Variants in PTBP2 observed in about 807,000 individuals in gnomAD.
PTBP2 encodes polypyrimidine tract-binding protein 2.
Under a neutral mutation model 61.4 loss-of-function variants are expected in PTBP2, and 13 were observed. The ratio of observed to expected loss-of-function variants is 0.21; its 90% CI spans 0.14 to 0.34. The LOEUF (loss-of-function observed/expected upper bound fraction) is 0.34. PTBP2 is among the 10% of genes least tolerant of loss of function. The pLI is 1.00. For missense variants in PTBP2, 405 were observed against 642.6 expected, an observed-to-expected ratio of 0.63 and a Z score of 4.00; for synonymous variants, 215 against 218.5, an observed-to-expected ratio of 0.98 and a Z score of 0.14.
downstream of PTBP2, chr1:96,819,006 TTATAA>T (rs1662584201): frequency 6.6e-6 from 1 of 152,160 alleles, no homozygotes; most frequent in Non-Finnish European, 1.5e-5. Context: ...AGTTGATAGC[TTATAA>T]TAGAAATCAG....
At chr1:96,730,013 C>A (rs1193546076) in intron 2 of PTBP2, among the ~76,000 whole-genome samples, 1 of 152,166 alleles carries the variant, frequency 6.6e-6, no homozygotes, top group Non-Finnish European at 1.5e-5. Context: ...AGGCGTGAGC[C>A]ACTGCGCCCA....
chr1:96,728,910 T>G, intron 2 of PTBP2, among the ~76,000 whole-genome samples: 1 of 152,258 alleles, frequency 6.6e-6, no homozygotes, highest in African/African-American at 2.4e-5. Context: ...GTAAATGATA[T>G]TTTAAAAACT....
chr1:96,791,736 C>T (rs1230000619), intron 8 of PTBP2, among the ~76,000 whole-genome samples: 3 of 151,508 alleles, frequency 2.0e-5, no homozygotes, highest in East Asian at 3.9e-4. Flanking sequence ...AGATAGATGC[C>T]TTTGCAATAG....
intron 2 of PTBP2, among the ~76,000 whole-genome samples, chr1:96,734,903 CTTT>C (rs369053938): frequency 0.27 from 33,425 of 124,644 alleles, 4,843 homozygotes; most frequent in South Asian, 0.44. Context: ...CTTTTTTTTT[CTTT>C]TTTTTTTTTT....
In PTBP2 at chr1:96,745,302, TC is replaced by T. The variant is rs375842938; in HGVS notation, c.40-6122del. Among the ~76,000 whole-genome samples, 185 of 152,026 alleles carry T rather than the reference TC, an allele frequency of 1.2e-3. No individual in the cohort carries two copies. The Middle Eastern group carries it at 0.014, about 11-fold the overall frequency. On this transcript the variant is annotated intron_variant, in intron 2 of 13. Coordinates refer to ENST00000674951, the MANE Select transcript of PTBP2 (RefSeq NM_021190.4). The stretch of plus-strand genomic sequence containing the variant: ...CTCAGCCTCCCGAGTAGCTGGGACT[TC>T]AGGCACCCGCCACCACACCCGGCTA...
At chr1:96,803,359 A>C (rs936145030) in intron 8 of PTBP2, among the ~76,000 whole-genome samples, 10 of 152,086 alleles carry the variant, frequency 6.6e-5, no homozygotes, top group Non-Finnish European at 1.5e-4. Context: ...ACTTTTGTAT[A>C]TGTTGGAAAT....
chr1:96,751,220 AGAAGG>A, intron 2 of PTBP2, 200 bp from the exon 3 acceptor site: 1 of 643,528 alleles, frequency 1.6e-6, no homozygotes, highest in Non-Finnish European at 2.8e-6. Context: ...CTTAGAGTAA[AGAAGG>A]GAAGGGAACA....
chr1:96,806,664 T>C (rs1178174810), intron 10 of PTBP2: 3 of 654,060 alleles, frequency 4.6e-6, no homozygotes, highest in Non-Finnish European at 7.7e-6. Flanking sequence ...TCACATAGCT[T>C]TGAGGGTTTA....
chr1:96,812,957 A>T (rs753514228), intron 12 of PTBP2, 29 bp downstream of exon 12: 1 of 1,594,230 alleles, frequency 6.3e-7, no homozygotes, highest in Non-Finnish European at 8.6e-7. Flanking sequence ...GTGTATTGAG[A>T]TACATTCTAT....
downstream of PTBP2, chr1:96,815,483 AC>A (rs2101293850): frequency 6.6e-6 from 1 of 152,258 alleles, no homozygotes; most frequent in East Asian, 1.9e-4. Flanking sequence ...TACTACTGTA[AC>A]TTGTTAAGCA....
At chr1:96,779,978 T>A (rs1233769117) in intron 7 of PTBP2, among the ~76,000 whole-genome samples, 1 of 152,074 alleles carries the variant, frequency 6.6e-6, no homozygotes, top group Non-Finnish European at 1.5e-5. Context: ...CAACAGTTTT[T>A]CTGTTTTTCA....
chr1:96,799,288 A>T (rs1416611845), intron 8 of PTBP2, among the ~76,000 whole-genome samples: 7 of 115,164 alleles, frequency 6.1e-5, no homozygotes, highest in Admixed American at 8.8e-5. Context: ...CTCAGAATAG[A>T]TCAAGCTTTT....
chr1:96,721,937 C>T (rs1437489463), intron 1 of PTBP2, 65 bp downstream of exon 1: 3 of 1,550,206 alleles, frequency 1.9e-6, no homozygotes, highest in African/African-American at 2.7e-5. Flanking sequence ...TCGGCCCGGT[C>T]CCGGGCCGGG....
intron 3 of PTBP2, among the ~76,000 whole-genome samples, chr1:96,752,164 T>A (rs1242969944): frequency 2.0e-5 from 3 of 152,106 alleles, no homozygotes; most frequent in African/African-American, 7.2e-5. Context: ...TTTTTTGTAT[T>A]TTGTTTAGTT....
At chr1:96,767,353 T>C (rs1432062269) in intron 3 of PTBP2, among the ~76,000 whole-genome samples, 1 of 152,150 alleles carries the variant, frequency 6.6e-6, no homozygotes, top group Non-Finnish European at 1.5e-5. Flanking sequence ...ATGGGTACAG[T>C]GATAGGTAGT....
intron 7 of PTBP2, among the ~76,000 whole-genome samples, chr1:96,780,373 C>T (rs1235959579): frequency 1.3e-5 from 2 of 152,004 alleles, no homozygotes; most frequent in Non-Finnish European, 2.9e-5. Context: ...TCTCCCTTTT[C>T]ACTCATAACC....
chr1:96,745,575 T>A (rs77400034), intron 2 of PTBP2, among the ~76,000 whole-genome samples: 7,693 of 151,734 alleles, frequency 0.051, 249 homozygotes, highest in African/African-American at 0.093. Context: ...ATATATTTAG[T>A]TTTTTTTTAG....
intron 3 of PTBP2, among the ~76,000 whole-genome samples, chr1:96,766,567 G>T (rs1199535004): frequency 6.6e-6 from 1 of 152,024 alleles, no homozygotes; most frequent in Non-Finnish European, 1.5e-5. Flanking sequence ...CCCTTTTTCG[G>T]TGTTGCTGGA....
intron 2 of PTBP2, among the ~76,000 whole-genome samples, chr1:96,748,370 A>G (rs973152986): frequency 2.6e-5 from 4 of 152,230 alleles, no homozygotes; most frequent in African/African-American, 9.6e-5. Flanking sequence ...ATGAGAATAA[A>G]AAACAAGAAA....
Sources: allele counts gnomAD v4.1 joint callset (sites outside exome capture counted in the v4.1 genomes callset), GRCh38; gene constraint gnomAD v4.1.1; transcripts MANE v1.5; gene names NCBI Gene and HGNC (gene_info 2026-07-23, HGNC 2026-07-21).